Variants in NR5A2 observed in about 807,000 individuals in gnomAD.
NR5A2 encodes the protein CYP7A promoter-binding factor.
A neutral mutation model predicts 62.7 loss-of-function variants in NR5A2; 26 were observed. The ratio of observed to expected loss-of-function variants is 0.41; its 90% CI spans 0.30 to 0.58. The LOEUF (loss-of-function observed/expected upper bound fraction) is 0.58, where lower values mean the gene tolerates loss of function less well. Ranked by LOEUF, NR5A2 falls within the 20% of genes least tolerant of loss-of-function variation. The pLI is 0.22. For synonymous variants in NR5A2, 246 were observed against 241.7 expected, an observed-to-expected ratio of 1.02 and a Z score of -0.16; for missense variants, 541 against 669.1, an observed-to-expected ratio of 0.81 and a Z score of 2.11.
intron 4 of NR5A2, among the ~76,000 whole-genome samples, chr1:200,047,574 T>C (rs1662426990): frequency 7.6e-6 from 1 of 131,926 alleles, no homozygotes; most frequent in Non-Finnish European, 1.6e-5. Flanking sequence ...CAATGTGAAA[T>C]ATTTCTTTTC....
chr1:200,027,930 A>G lies in NR5A2; in HGVS notation c.64+19A>G. 1 of 1,535,742 alleles carries G rather than the reference A, an allele frequency of 6.5e-7. No homozygotes were observed. The highest frequency in any genetic ancestry group is 1.4e-5 in the African/African-American group (1 of 72,544). On this transcript the variant is annotated intron_variant, in intron 1 of 7. Transcript: ENST00000367362. ...CCTATTGGTAAGTAGGAGTTTCTCT[A>G]TTGATCATCTATTTATTCTGCTACT...
Position 200,039,827 on chromosome 1 carries a change from C to T in NR5A2, c.202+32C>T, listed in dbSNP as rs775196964. 86 of 1,583,242 alleles carry T rather than the reference C, an allele frequency of 5.4e-5. No homozygotes were observed. The highest frequency in any genetic ancestry group is 1.2e-4 in the East Asian group (5 of 41,336). ...AGGCGCCGCGCGGCGCTCCGGCTCC[C>T]GCTGCTTCCCCACCCCCGGGCTCGC... On this transcript the variant is annotated intron_variant, in intron 2 of 7. Coordinates refer to ENST00000367362, the MANE Select transcript of NR5A2 (RefSeq NM_205860.3). The surrounding 1 kb of genome is among the most constrained non-coding windows in gnomAD (Gnocchi z 5.1).
chr1:200,082,130 T>C (rs1304809435), intron 5 of NR5A2, among the ~76,000 whole-genome samples: 1 of 152,232 alleles, frequency 6.6e-6, no homozygotes, highest in East Asian at 1.9e-4. Flanking sequence ...AGCATTCTCA[T>C]TGGAGGGAAG....
intron 4 of NR5A2, among the ~76,000 whole-genome samples, chr1:200,047,579 C>CTTT (rs1264156507): frequency 8.6e-5 from 9 of 104,816 alleles, no homozygotes; most frequent in African/African-American, 5.7e-4. Context: ...TGAAATATTT[C>CTTT]TTTTCTTTTT....
At chr1:200,042,693 G>T (rs375791221) in intron 2 of NR5A2, 2 of 482,840 alleles carry the variant, frequency 4.1e-6, no homozygotes, top group South Asian at 1.8e-4. Context: ...CAGGGTCCCG[G>T]CTGCGCAGAC....
intron 7 of NR5A2, among the ~76,000 whole-genome samples, chr1:200,153,654 T>C (rs1210068620): frequency 6.6e-6 from 1 of 152,082 alleles, no homozygotes; most frequent in Non-Finnish European, 1.5e-5. Context: ...GTTTAATACA[T>C]TTTTTAAAAC....
Position 200,174,020 on chromosome 1 carries a change from C to G in NR5A2, c.1436C>G (p.Ala479Gly), listed in dbSNP as rs752897392. 2 of 1,604,652 alleles carry G rather than the reference C, an allele frequency of 1.2e-6. No homozygotes were observed. The highest frequency in any genetic ancestry group is 8.5e-7 in the Non-Finnish European group (1 of 1,175,624). The change falls in exon 8 of 8, where the codon GCC becomes GGC. Residue 479 changes from alanine to glycine, a missense_variant. Transcript: ENST00000367362. ...GAAGGTGTCCAGGAACAAGTCAATG[C>G]CGCCCTGCTGGACTACACAATGTGT... is the stretch of plus-strand genomic sequence containing the variant. ...LVEGVQEQVN[A>G]ALLDYTMCNY...
chr1:200,054,770 A>G (rs1256733207), intron 5 of NR5A2, among the ~76,000 whole-genome samples: 1 of 152,164 alleles, frequency 6.6e-6, no homozygotes, highest in Non-Finnish European at 1.5e-5. Flanking sequence ...AGCATTATTT[A>G]TCTATTTTTA....
chr1:200,173,935 GCT>G (rs1654298098), intron 7 of NR5A2, 26 bp from the exon 8 acceptor site: 3 of 1,072,880 alleles, frequency 2.8e-6, no homozygotes, highest in Non-Finnish European at 3.7e-6. Context: ...TTGAAATGTT[GCT>G]TTTTTTTTTT....
At chr1:200,081,044 A>G (rs1270161371) in intron 5 of NR5A2, among the ~76,000 whole-genome samples, 1 of 152,246 alleles carries the variant, frequency 6.6e-6, no homozygotes, top group Non-Finnish European at 1.5e-5. Flanking sequence ...GATATTTAAT[A>G]ACTTTCTTAG....
intron 5 of NR5A2, among the ~76,000 whole-genome samples, chr1:200,052,144 T>G (rs1662662333): frequency 6.6e-6 from 1 of 152,172 alleles, no homozygotes; most frequent in Admixed American, 6.5e-5. Context: ...AACTTGCTGC[T>G]CTAGAGGAGG....
At chr1:200,124,268 C>T (rs1374317774) in intron 7 of NR5A2, among the ~76,000 whole-genome samples, 1 of 152,200 alleles carries the variant, frequency 6.6e-6, no homozygotes. Flanking sequence ...GGAACAGTAA[C>T]TGATCAGTTG....
At position 200,174,287 on chromosome 1, in the gene NR5A2, A is replaced by T. The variant is rs1182994951; in HGVS notation, c.*77A>T. 1.4e-6 allele frequency: 2 copies of T among 1,436,188 alleles called. No homozygotes were observed. The highest frequency in any genetic ancestry group is 2.9e-5 in the African/African-American group (2 of 70,014). The allele number at this position is 1,436,188 out of a possible 1,614,324, so 89.0% of individuals were successfully genotyped here. ...GGGGAGGGGGAAGAAGAACAGGAAG[A>T]AAAAAAGTACTCTGAACTGCTCCAA... On this transcript the variant is annotated 3_prime_UTR_variant, in exon 8 of 8. Coordinates refer to ENST00000367362, the MANE Select transcript of NR5A2 (RefSeq NM_205860.3).
intron 7 of NR5A2, among the ~76,000 whole-genome samples, chr1:200,158,843 C>T (rs1054083785): frequency 6.6e-6 from 1 of 151,836 alleles, no homozygotes; most frequent in Non-Finnish European, 1.5e-5. Flanking sequence ...GTTAGGAAAG[C>T]AAAATTCCCT....
intron 2 of NR5A2, among the ~76,000 whole-genome samples, chr1:200,041,050 C>T (rs1267670602): frequency 1.3e-5 from 2 of 152,068 alleles, no homozygotes; most frequent in African/African-American, 4.8e-5. Context: ...ACCTGGAATT[C>T]CAGTTTAGTG....
chr1:200,039,610 C>T lies in NR5A2; in HGVS notation c.65-48C>T. ...GTTGGGTTAGCAGGCATCCCGGTCG[C>T]CCCTTCCTTCTTTTCGCCGGAGTTG... On this transcript the variant is annotated intron_variant, in intron 1 of 7. Coordinates refer to ENST00000367362, the MANE Select transcript of NR5A2 (RefSeq NM_205860.3). This position sits in a 1 kb window ranked among gnomAD's most constrained non-coding sequence, Gnocchi z 5.1. 6.2e-7 allele frequency: 1 copy of T among 1,606,892 alleles called. No homozygotes were observed. Among genetic ancestry groups the T allele is most frequent in the Non-Finnish European group, 8.5e-7 (1 of 1,177,128 alleles).
intron 5 of NR5A2, among the ~76,000 whole-genome samples, chr1:200,108,907 G>T (rs2816980): frequency 0.91 from 139,018 of 152,272 alleles, 63,529 homozygotes; most frequent in East Asian, 0.97. Context: ...GGTCAGCTGT[G>T]GGCAGGGAAC....
chr1:200,174,243 A>T lies in NR5A2; in HGVS notation c.*33A>T. 6.7e-7 allele frequency: 1 copy of T among 1,500,070 alleles called. No individual in the cohort carries two copies. The highest frequency in any genetic ancestry group is 8.9e-7 in the Non-Finnish European group (1 of 1,123,318). The allele number at this position is 1,500,070 out of a possible 1,614,324, so 92.9% of individuals were successfully genotyped here. Reference sequence around the variant, plus strand: ...CCCCTAGGAGCTCTGCTTTCAAAACAAAAAGAGATTGGGGGAGTGGGGAGG... The same window carrying T: ...CCCCTAGGAGCTCTGCTTTCAAAACTAAAAGAGATTGGGGGAGTGGGGAGG... On this transcript the variant is annotated 3_prime_UTR_variant, in exon 8 of 8. Coordinates refer to ENST00000367362, the MANE Select transcript of NR5A2 (RefSeq NM_205860.3).
At chr1:200,075,901 T>TTTTCTTTTC (rs1558123526) in intron 5 of NR5A2, among the ~76,000 whole-genome samples, 4 of 63,534 alleles carry the variant, frequency 6.3e-5, no homozygotes, top group Admixed American at 1.6e-4. Flanking sequence ...CTTTTCTTTT[T>TTTTCTTTTC]TTTTTGTTAA....
Sources: gnomAD v4.1 joint callset for allele counts (sites outside exome capture counted in the v4.1 genomes callset) on GRCh38, gnomAD v4.1.1 for gene constraint, Gnocchi (gnomAD v3.1) non-coding constraint, MANE v1.5 for transcripts, NCBI Gene and HGNC (gene_info 2026-07-23, HGNC 2026-07-21) for gene names.